RBM6: variants seen among roughly 807,000 people sequenced by gnomAD.
RBM6 encodes the protein RNA-binding protein 6.
Under a neutral mutation model 140.4 loss-of-function variants are expected in RBM6, and 23 were observed. The observed-to-expected ratio is 0.16, with a 90% CI of 0.12 to 0.23. RBM6 has a LOEUF of 0.23. Ranked by LOEUF, RBM6 falls within the 10% of genes least tolerant of loss-of-function variation. The pLI, the probability that RBM6 is intolerant of heterozygous loss-of-function variation, is 1.00. For missense variants in RBM6, 1,139 were observed against 1,386.7 expected, an observed-to-expected ratio of 0.82 and a Z score of 2.84; for synonymous variants, 439 against 475.6, an observed-to-expected ratio of 0.92 and a Z score of 1.00.
chr3:50,004,105 G>T (rs1318813390), intron 6 of RBM6, among the ~76,000 whole-genome samples: 1 of 152,058 alleles, frequency 6.6e-6, no homozygotes, highest in South Asian at 2.1e-4. Context: ...TTGGCATTTG[G>T]TATGCAGGGA....
chr3:49,999,025 C>T (rs1438815979), intron 5 of RBM6, among the ~76,000 whole-genome samples: 2 of 149,252 alleles, frequency 1.3e-5, no homozygotes, highest in South Asian at 2.1e-4. Context: ...TTTTTTTCTT[C>T]TCTCGGGATA....
chr3:49,945,618 C>A (rs1279348878), intron 1 of RBM6, among the ~76,000 whole-genome samples: 1 of 152,064 alleles, frequency 6.6e-6, no homozygotes, highest in Non-Finnish European at 1.5e-5. Context: ...GCGGGTGGCT[C>A]ATGCCTGTAA....
At chr3:50,006,805 C>T (rs1025379207) in intron 6 of RBM6, among the ~76,000 whole-genome samples, 5 of 151,716 alleles carry the variant, frequency 3.3e-5, no homozygotes, top group South Asian at 2.1e-4. Flanking sequence ...TGGTGGCGGG[C>T]GCCTGTAGTC....
chr3:50,037,850 T>C (rs1241892354), intron 6 of RBM6, among the ~76,000 whole-genome samples: 5 of 150,634 alleles, frequency 3.3e-5, no homozygotes, highest in Admixed American at 6.6e-5. Context: ...AGACAGAGTT[T>C]TGCTCTTGTT....
chr3:50,036,622 T>C (rs1427324459), intron 6 of RBM6, among the ~76,000 whole-genome samples: 4 of 152,208 alleles, frequency 2.6e-5, no homozygotes, highest in African/African-American at 7.2e-5. Context: ...AATTTAACCA[T>C]AGCATGTCTT....
intron 6 of RBM6, among the ~76,000 whole-genome samples, chr3:50,023,563 G>A (rs2087631199): frequency 6.6e-6 from 1 of 151,876 alleles, no homozygotes; most frequent in Non-Finnish European, 1.5e-5. Context: ...GCTTACAGAG[G>A]TCTAGTAGAA....
chr3:50,005,603 A>G (rs1489470361), intron 6 of RBM6, among the ~76,000 whole-genome samples: 1 of 152,152 alleles, frequency 6.6e-6, no homozygotes, highest in Admixed American at 6.5e-5. Context: ...TTGGAAACTT[A>G]AATTGGTAGT....
At chr3:50,065,570 A>G (rs773307652) in intron 16 of RBM6, 5 of 457,292 alleles carry the variant, frequency 1.1e-5, no homozygotes, top group Non-Finnish European at 2.2e-5. Context: ...ATTGGTGCCC[A>G]TTTTTTAGAT....
intron 1 of RBM6, among the ~76,000 whole-genome samples, chr3:49,953,843 A>AT (rs1482176530): frequency 1.3e-5 from 2 of 152,038 alleles, no homozygotes; most frequent in Non-Finnish European, 2.9e-5. Context: ...TAAAAAAAAA[A>AT]TTTTGTAGGC....
At chr3:50,026,612 G>A (rs1366045821) in intron 6 of RBM6, among the ~76,000 whole-genome samples, 1 of 147,132 alleles carries the variant, frequency 6.8e-6, no homozygotes, top group African/African-American at 2.5e-5. Flanking sequence ...GAACCACCAC[G>A]CCTGGCCAAG....
At chr3:50,007,191 T>G (rs2086621876) in intron 6 of RBM6, among the ~76,000 whole-genome samples, 1 of 148,206 alleles carries the variant, frequency 6.7e-6, no homozygotes, top group Non-Finnish European at 1.5e-5. Context: ...TAGTTGGAGT[T>G]TTTTTTTTTT....
chr3:50,071,986 G>C (rs1371381731), intron 19 of RBM6, among the ~76,000 whole-genome samples: 1 of 151,262 alleles, frequency 6.6e-6, no homozygotes, highest in Non-Finnish European at 1.5e-5. Context: ...CAGGAGGCTG[G>C]GGCAGAAGAA....
intron 5 of RBM6, among the ~76,000 whole-genome samples, chr3:49,993,557 G>A (rs1247763354): frequency 6.6e-6 from 1 of 152,096 alleles, no homozygotes; most frequent in Admixed American, 6.5e-5. Context: ...CAGGAGAATT[G>A]CTTGAACCTG....
chr3:49,974,571 A>G (rs958525277), intron 4 of RBM6, among the ~76,000 whole-genome samples: 10 of 146,214 alleles, frequency 6.8e-5, no homozygotes, highest in African/African-American at 2.6e-4. Flanking sequence ...ACGGGGTTTT[A>G]CCGTGTTAGC....
At chr3:49,979,739 C>A (rs974466348) in intron 5 of RBM6, among the ~76,000 whole-genome samples, 2 of 152,064 alleles carry the variant, frequency 1.3e-5, no homozygotes, top group Admixed American at 6.5e-5. Flanking sequence ...CTGTGCCCAG[C>A]CAGCTTACAA....
At chr3:50,040,788 T>C (rs7430334) in intron 6 of RBM6, among the ~76,000 whole-genome samples, 92,222 of 151,360 alleles carry the variant, frequency 0.61, 28,592 homozygotes, top group East Asian at 0.89. Context: ...CCTGGAGTAG[T>C]TAGGATAACA....
chr3:49,951,717 A>AT (rs200260511), intron 1 of RBM6, among the ~76,000 whole-genome samples: 4 of 131,510 alleles, frequency 3.0e-5, no homozygotes, highest in African/African-American at 8.6e-5. Context: ...TATTATTATT[A>AT]TTTTTTTGTT....
chr3:50,007,926 T>C (rs543753907), intron 6 of RBM6, among the ~76,000 whole-genome samples: 1 of 152,336 alleles, frequency 6.6e-6, no homozygotes, highest in East Asian at 1.9e-4. Context: ...AGCCTGTGGC[T>C]TTAAAACCGT....
intron 6 of RBM6, among the ~76,000 whole-genome samples, chr3:50,031,516 G>A (rs966769631): frequency 6.6e-5 from 10 of 151,702 alleles, no homozygotes; most frequent in South Asian, 2.1e-4. Context: ...TCACTTATAC[G>A]TGGGAATTGA....
Sources: allele counts gnomAD v4.1 joint callset (sites outside exome capture counted in the v4.1 genomes callset), GRCh38; gene constraint gnomAD v4.1.1; transcripts MANE v1.5; gene names NCBI Gene and HGNC (gene_info 2026-07-23, HGNC 2026-07-21).